The following PIP4K2A variants were observed in gnomAD, a reference collection of about 807,000 sequenced individuals.
PIP4K2A encodes the protein phosphatidylinositol-5-phosphate 4-kinase type 2 alpha.
A neutral mutation model predicts 42.9 loss-of-function variants in PIP4K2A; 14 were observed. The observed-to-expected ratio is 0.33, with a 90% confidence interval of 0.22 to 0.51. The LOEUF is 0.51. PIP4K2A is among the 20% of genes least tolerant of loss of function. PIP4K2A has a pLI of 0.97. For synonymous variants in PIP4K2A, 192 were observed against 192.2 expected (o/e 1.00, Z 0.01); for missense variants, 434 against 519.8 (o/e 0.83, Z 1.61).
intron 1 of PIP4K2A, among the ~76,000 whole-genome samples, chr10:22,667,865 C>CTGTGTGTGTG (rs10603287): frequency 4.7e-4 from 63 of 132,634 alleles, no homozygotes; most frequent in Admixed American, 3.0e-3. Flanking sequence ...CAGTGAACTT[C>CTGTGTGTGTG]TGTGTGTGTG....
intron 1 of PIP4K2A, among the ~76,000 whole-genome samples, chr10:22,706,588 C>T (rs1442060025): frequency 6.6e-6 from 1 of 152,204 alleles, no homozygotes; most frequent in East Asian, 1.9e-4. Flanking sequence ...ATTTATTTTA[C>T]GTCTGTGTCC....
chr10:22,654,033 G>C (rs913569184), intron 1 of PIP4K2A, among the ~76,000 whole-genome samples: 1 of 152,162 alleles, frequency 6.6e-6, no homozygotes, highest in South Asian at 2.1e-4. Flanking sequence ...GGTGAGTGCA[G>C]CAGTGTCTCT....
In PIP4K2A at chr10:22,591,585, T is replaced by C. The variant is rs534477400; in HGVS notation, c.492+44A>G. 5 of 1,488,576 alleles carry C rather than the reference T, an allele frequency of 3.4e-6. No individual in the cohort carries two copies. In the South Asian group the frequency reaches 3.7e-5, roughly 11 times the overall value. 92.2% of individuals were successfully genotyped at this position (1,488,576 alleles called of 1,614,324 possible). A position where few individuals can be genotyped will look rare whatever the true frequency, so the allele number is the denominator to read the frequency against. On this transcript the variant is annotated intron_variant, in intron 4 of 9. Coordinates refer to ENST00000376573, the MANE Select transcript of PIP4K2A (RefSeq NM_005028.5). ...GGCCTTGGTGAGAAATCGCTACGCA[T>C]GTTAATCTTCTTGGAGTTTCAAATA...
At chr10:22,681,650 G>C (rs1839663079) in intron 1 of PIP4K2A, among the ~76,000 whole-genome samples, 5 of 152,012 alleles carry the variant, frequency 3.3e-5, no homozygotes, top group Admixed American at 3.3e-4. Context: ...ACTCTAGCCT[G>C]TGTGACAGAG....
chr10:22,564,650 C>T (rs1017715664), intron 6 of PIP4K2A, among the ~76,000 whole-genome samples: 9 of 152,236 alleles, frequency 5.9e-5, no homozygotes, highest in African/African-American at 2.2e-4. Flanking sequence ...AGTCGACAGT[C>T]ACTGTTTCTG....
chr10:22,621,810 T>C (rs1838336867), intron 1 of PIP4K2A, among the ~76,000 whole-genome samples: 2 of 152,272 alleles, frequency 1.3e-5, no homozygotes, highest in African/African-American at 4.8e-5. Context: ...ACTTCACAGT[T>C]GGGACCTTCG....
At chr10:22,615,972 C>A (rs1387368474) in intron 1 of PIP4K2A, among the ~76,000 whole-genome samples, 1 of 152,166 alleles carries the variant, frequency 6.6e-6, no homozygotes, top group Admixed American at 6.5e-5. Context: ...CCTGTTTATG[C>A]CGTGCCAGTC....
chr10:22,591,533 G>T, intron 4 of PIP4K2A, 96 bp downstream of exon 4: 2 of 959,934 alleles, frequency 2.1e-6, no homozygotes, highest in Non-Finnish European at 1.6e-6. Context: ...TGTTCTTCTT[G>T]TTCTCTAACT....
At chr10:22,603,699 T>A (rs974421948) in intron 3 of PIP4K2A, among the ~76,000 whole-genome samples, 2 of 152,184 alleles carry the variant, frequency 1.3e-5, no homozygotes, top group African/African-American at 2.4e-5. Flanking sequence ...TTTGACTGGA[T>A]AATTATGCAT....
At chr10:22,539,797 G>A (rs944973358) in intron 9 of PIP4K2A, among the ~76,000 whole-genome samples, 174 bp downstream of exon 9, 1 of 151,882 alleles carries the variant, frequency 6.6e-6, no homozygotes, top group African/African-American at 2.4e-5. Context: ...GGGAACAAGC[G>A]TCACTAAAGG....
chr10:22,575,819 T>A (rs2130799343), intron 4 of PIP4K2A, among the ~76,000 whole-genome samples: 1 of 151,902 alleles, frequency 6.6e-6, no homozygotes, highest in South Asian at 2.1e-4. Context: ...ACACCCGTAA[T>A]CCCAGCTACT....
chr10:22,576,710 G>A (rs954609159), intron 4 of PIP4K2A, among the ~76,000 whole-genome samples: 3 of 152,144 alleles, frequency 2.0e-5, no homozygotes, highest in African/African-American at 7.2e-5. Context: ...AAGTAGTATG[G>A]AAGTGTTATC....
chr10:22,584,547 A>G (rs547129934), intron 4 of PIP4K2A, among the ~76,000 whole-genome samples: 1 of 152,274 alleles, frequency 6.6e-6, no homozygotes, highest in Non-Finnish European at 1.5e-5. Flanking sequence ...CAGACCCTGG[A>G]GAAGAAGTAC....
At chr10:22,601,161 A>AGC (rs1208915140) in intron 3 of PIP4K2A, among the ~76,000 whole-genome samples, 1,467 of 92,374 alleles carry the variant, frequency 0.016, 76 homozygotes, top group African/African-American at 0.05. Context: ...AAAAAAAAAA[A>AGC]AACAAACCAG....
At chr10:22,681,499 C>T (rs1564465815) in intron 1 of PIP4K2A, among the ~76,000 whole-genome samples, 2 of 152,046 alleles carry the variant, frequency 1.3e-5, no homozygotes, top group Admixed American at 6.6e-5. Context: ...CACAGTGAGA[C>T]CTTGTCTCTT....
intron 3 of PIP4K2A, among the ~76,000 whole-genome samples, chr10:22,599,104 G>A (rs866921411): frequency 1.3e-5 from 2 of 150,604 alleles, no homozygotes; most frequent in African/African-American, 4.9e-5. Context: ...GGAAAAAAAC[G>A]TCTCTTACTG....
intron 7 of PIP4K2A, among the ~76,000 whole-genome samples, chr10:22,543,648 G>C (rs151288298): frequency 6.6e-6 from 1 of 152,156 alleles, no homozygotes; most frequent in African/African-American, 2.4e-5. Context: ...CAGAGACTGC[G>C]CATCCTCCCC....
intron 1 of PIP4K2A, among the ~76,000 whole-genome samples, chr10:22,662,293 C>T (rs1465116267): frequency 6.6e-6 from 1 of 152,210 alleles, no homozygotes; most frequent in Non-Finnish European, 1.5e-5. Flanking sequence ...TTCCCACACT[C>T]CAACTCCTCT....
At chr10:22,678,569 C>T (rs139715191) in intron 1 of PIP4K2A, among the ~76,000 whole-genome samples, 3 of 152,118 alleles carry the variant, frequency 2.0e-5, no homozygotes, top group African/African-American at 7.2e-5. Flanking sequence ...AATGTGAAGG[C>T]AACCCAGCTT....
Sources: gnomAD v4.1 joint callset for allele counts (sites outside exome capture counted in the v4.1 genomes callset) on GRCh38, gnomAD v4.1.1 for gene constraint, MANE v1.5 for transcripts, NCBI Gene and HGNC (gene_info 2026-07-23, HGNC 2026-07-21) for gene names.